The following TACR1 variants were observed in gnomAD, a reference collection of about 807,000 sequenced individuals.
TACR1 encodes the protein substance-P receptor.
Under a neutral mutation model 35.8 loss-of-function variants are expected in TACR1, and 25 were observed. That is an observed-to-expected ratio of 0.70 (90% CI 0.51 to 0.98). TACR1 has a LOEUF of 0.98. Ranked by LOEUF, TACR1 falls within the 50% of genes least tolerant of loss-of-function variation. The pLI, the probability that TACR1 is intolerant of heterozygous loss-of-function variation, is 0.00. For missense variants in TACR1, 478 were observed against 522.9 expected, an observed-to-expected ratio of 0.91 and a Z score of 0.84; for synonymous variants, 195 against 206.7, an observed-to-expected ratio of 0.94 and a Z score of 0.48.
At chr2:75,067,811 G>A (rs1672796441) in intron 2 of TACR1, among the ~76,000 whole-genome samples, 1 of 152,178 alleles carries the variant, frequency 6.6e-6, no homozygotes, top group Admixed American at 6.5e-5. Flanking sequence ...GGCTTGAGTG[G>A]AGGGGTTGAG....
intron 1 of TACR1, among the ~76,000 whole-genome samples, chr2:75,194,732 CAGAG>C (rs1675924255): frequency 6.6e-6 from 1 of 152,158 alleles, no homozygotes; most frequent in Non-Finnish European, 1.5e-5. Context: ...TTTTTGGTCT[CAGAG>C]AGACCATTTT....
chr2:75,176,205 T>G (rs1675414927), intron 1 of TACR1, among the ~76,000 whole-genome samples: 1 of 152,136 alleles, frequency 6.6e-6, no homozygotes, highest in Non-Finnish European at 1.5e-5. Context: ...ACTGCTTTTT[T>G]CTCATTCTCT....
intron 1 of TACR1, among the ~76,000 whole-genome samples, chr2:75,121,420 C>G (rs1047155134): frequency 6.6e-6 from 1 of 152,180 alleles, no homozygotes; most frequent in African/African-American, 2.4e-5. Flanking sequence ...CTAGAGTGCA[C>G]AAAGGACCAG....
intron 2 of TACR1, among the ~76,000 whole-genome samples, chr2:75,090,543 A>C (rs548578096): frequency 5.8e-4 from 89 of 152,240 alleles, no homozygotes; most frequent in Non-Finnish European, 1.1e-3. Context: ...AGACAAACTC[A>C]ACCAATTGTC....
rs71245356 is a variant in TACR1, at chr2:75,154,488, C to CCACACACACACACACACACACACACACA, written c.390-33748_390-33721dup. 2.2e-4 allele frequency: 12 copies of CCACACACACACACACACACACACACACA among 53,596 alleles called. 1 individual carries two copies. Among genetic ancestry groups the CCACACACACACACACACACACACACACA allele is most frequent in the African/African-American group, 8.1e-4 (11 of 13,542 alleles). The allele number at this position is 53,596 out of a possible 1,614,324, so 3.3% of individuals were successfully genotyped here. On this transcript the variant is annotated intron_variant, in intron 1 of 4. Transcript: ENST00000305249. ...CCAGTGGAGATTCAGCACTAACCCA[C>CCACACACACACACACACACACACACACA]CACACACACACACACACACACACAC...
intron 1 of TACR1, among the ~76,000 whole-genome samples, chr2:75,124,815 AG>A (rs1674041721): frequency 6.6e-6 from 1 of 152,248 alleles, no homozygotes. Flanking sequence ...AGCGAAGAGC[AG>A]GAGGAATTAG....
chr2:75,103,427 C>A (rs937019621), intron 2 of TACR1, among the ~76,000 whole-genome samples: 1 of 152,110 alleles, frequency 6.6e-6, no homozygotes, highest in Non-Finnish European at 1.5e-5. Flanking sequence ...CAAAGAGATA[C>A]AGAAGCAACC....
chr2:75,128,134 G>A (rs191628120), intron 1 of TACR1, among the ~76,000 whole-genome samples: 3 of 152,224 alleles, frequency 2.0e-5, no homozygotes, highest in Admixed American at 2.0e-4. Context: ...GCCTGGATGT[G>A]CCAGCTGATG....
chr2:75,163,880 T>C (rs1412545669), intron 1 of TACR1, among the ~76,000 whole-genome samples: 3 of 152,154 alleles, frequency 2.0e-5, no homozygotes, highest in Non-Finnish European at 2.9e-5. Context: ...TCATGTTAGT[T>C]AACCAGTCTA....
In TACR1 at chr2:75,077,833, T is replaced by C. The variant is rs6719119; in HGVS notation, c.585-24078A>G. Reference sequence around the variant, plus strand: ...GGCCCCCAGGAACATAACCCATTAATGATCTTTTCCTCTTTCCTTTCTCCT... The same window carrying C: ...GGCCCCCAGGAACATAACCCATTAACGATCTTTTCCTCTTTCCTTTCTCCT... On this transcript the variant is annotated intron_variant, in intron 2 of 4. Transcript: ENST00000305249. Among the ~76,000 whole-genome samples, 710 of 152,352 alleles carry C rather than the reference T, an allele frequency of 4.7e-3. 6 individuals carry two copies. The highest frequency in any genetic ancestry group is 0.016 in the African/African-American group (658 of 41,600).
At position 75,048,915 on chromosome 2, in the gene TACR1, G is replaced by A. The variant is rs1672412042; in HGVS notation, c.*517C>T. On this transcript the variant is annotated 3_prime_UTR_variant, in exon 5 of 5. Coordinates refer to ENST00000305249, the MANE Select transcript of TACR1 (RefSeq NM_001058.4). ...AATACATATGTTTCTTTTCACAGAT[G>A]CTTAGAAGACAGGGCTAAATTTTTC... 1 of 154,376 alleles carries A rather than the reference G, an allele frequency of 6.5e-6. No individual in the cohort carries two copies. The highest frequency in any genetic ancestry group is 6.4e-5 in the Admixed American group (1 of 15,660). 9.6% of individuals were successfully genotyped at this position (154,376 alleles called of 1,614,324 possible).
intron 2 of TACR1, among the ~76,000 whole-genome samples, chr2:75,075,089 G>T (rs1403145929): frequency 2.0e-5 from 3 of 152,180 alleles, no homozygotes; most frequent in Non-Finnish European, 4.4e-5. Flanking sequence ...ATGTTAAAAT[G>T]CAGGCAGCTT....
At chr2:75,131,775 A>G (rs948451708) in intron 1 of TACR1, among the ~76,000 whole-genome samples, 1 of 152,308 alleles carries the variant, frequency 6.6e-6, no homozygotes. Flanking sequence ...ATAGTATTTT[A>G]AAAGTGTTTG....
At chr2:75,163,254 C>A (rs1675054429) in intron 1 of TACR1, among the ~76,000 whole-genome samples, 1 of 152,314 alleles carries the variant, frequency 6.6e-6, no homozygotes, top group Admixed American at 6.5e-5. Flanking sequence ...CTAGAGAAGT[C>A]AGGGTTTGTC....
chr2:75,118,629 G>A (rs1455920104), intron 2 of TACR1, among the ~76,000 whole-genome samples: 2 of 152,072 alleles, frequency 1.3e-5, no homozygotes, highest in African/African-American at 2.4e-5. Flanking sequence ...GAGATCTGTG[G>A]GAAAATTAAT....
At chr2:75,191,948 G>A (rs1456792711) in intron 1 of TACR1, among the ~76,000 whole-genome samples, 1 of 152,126 alleles carries the variant, frequency 6.6e-6, no homozygotes, top group Non-Finnish European at 1.5e-5. Flanking sequence ...AAGCAGGGAG[G>A]TGTGGGAGAG....
At chr2:75,174,589 C>T (rs1221162535) in intron 1 of TACR1, among the ~76,000 whole-genome samples, 3 of 152,058 alleles carry the variant, frequency 2.0e-5, no homozygotes, top group Admixed American at 6.6e-5. Context: ...CCTGGTTGAC[C>T]GTGGGTAACT....
chr2:75,121,230 C>T (rs1215931655), intron 1 of TACR1, among the ~76,000 whole-genome samples: 2 of 152,144 alleles, frequency 1.3e-5, no homozygotes, highest in Admixed American at 6.5e-5. Context: ...TACCTCGGTC[C>T]ATACAATTTG....
At chr2:75,177,028 C>G (rs1219823253) in intron 1 of TACR1, among the ~76,000 whole-genome samples, 1 of 152,170 alleles carries the variant, frequency 6.6e-6, no homozygotes. Flanking sequence ...GAAACCACTT[C>G]CAACACTGCA....
Sources: allele counts gnomAD v4.1 joint callset (sites outside exome capture counted in the v4.1 genomes callset), GRCh38; gene constraint gnomAD v4.1.1; transcripts MANE v1.5; gene names NCBI Gene and HGNC (gene_info 2026-07-23, HGNC 2026-07-21).